Variants in GALNT18 observed in about 807,000 individuals in gnomAD.
GALNT18 encodes the protein polypeptide N-acetylgalactosaminyltransferase 18.
A neutral mutation model predicts 69.5 loss-of-function variants in GALNT18; 44 were observed. The ratio of observed to expected loss-of-function variants is 0.63; its 90% confidence interval spans 0.50 to 0.81. The LOEUF (loss-of-function observed/expected upper bound fraction) is 0.81. GALNT18 is among the 40% of genes least tolerant of loss of function. GALNT18 has a pLI of 0.00. For synonymous variants in GALNT18, 364 were observed against 318.2 expected, an observed-to-expected ratio of 1.14 and a Z score of -1.53; for missense variants, 715 against 810.0, an observed-to-expected ratio of 0.88 and a Z score of 1.42.
intron 3 of GALNT18, among the ~76,000 whole-genome samples, chr11:11,385,585 A>T (rs187243209): frequency 6.6e-6 from 1 of 152,024 alleles, no homozygotes; most frequent in South Asian, 2.1e-4. Flanking sequence ...GTGAGCCACC[A>T]TGCCCGGCCT....
chr11:11,575,306 G>A (rs768327162), intron 1 of GALNT18, among the ~76,000 whole-genome samples: 2 of 152,182 alleles, frequency 1.3e-5, no homozygotes, highest in African/African-American at 4.8e-5. Context: ...CCACATCTTT[G>A]ATCAAGCTAT....
intron 9 of GALNT18, among the ~76,000 whole-genome samples, chr11:11,316,109 C>T (rs891094984): frequency 2.0e-5 from 3 of 152,112 alleles, no homozygotes; most frequent in East Asian, 1.9e-4. Flanking sequence ...CAGGAGTGTA[C>T]GAGGCTCCCC....
At chr11:11,490,657 C>T (rs983793188) in intron 1 of GALNT18, among the ~76,000 whole-genome samples, 3 of 152,138 alleles carry the variant, frequency 2.0e-5, no homozygotes, top group Admixed American at 6.5e-5. Context: ...ACCAGAGTTA[C>T]AAGGAAATGC....
intron 1 of GALNT18, among the ~76,000 whole-genome samples, chr11:11,449,594 C>G (rs1253218838): frequency 6.6e-6 from 1 of 152,232 alleles, no homozygotes; most frequent in Non-Finnish European, 1.5e-5. Context: ...TCATGGGAGC[C>G]CTTGTGGACT....
intron 2 of GALNT18, among the ~76,000 whole-genome samples, chr11:11,447,101 C>T (rs748383929): frequency 6.6e-6 from 1 of 152,236 alleles, no homozygotes; most frequent in Non-Finnish European, 1.5e-5. Context: ...CCCCCTTACA[C>T]ACCCCATTCC....
rs1850929757 is a variant in GALNT18, at chr11:11,372,401, G to A, written c.1092+114C>T. 9.0e-6 allele frequency: 7 copies of A among 774,848 alleles called. No individual in the cohort carries two copies. The highest frequency in any genetic ancestry group is 8.2e-5 in the South Asian group (5 of 61,124). 48.0% of individuals were successfully genotyped at this position (774,848 alleles called of 1,614,324 possible). ...CCAATCACACACAGGATTCAGGACT[G>A]GACATTCAGAATCAGTCTGTGACCC... is the stretch of plus-strand genomic sequence containing the variant. On this transcript the variant is annotated intron_variant, in intron 6 of 10. Transcript: ENST00000227756. This position sits in a 1 kb window ranked among gnomAD's most constrained non-coding sequence, Gnocchi z 4.9.
At chr11:11,521,464 A>C (rs1829194945) in intron 1 of GALNT18, among the ~76,000 whole-genome samples, 1 of 151,548 alleles carries the variant, frequency 6.6e-6, no homozygotes, top group Non-Finnish European at 1.5e-5. Context: ...CTTCATAGTG[A>C]CTTGCTCTCC....
At chr11:11,392,422 C>T (rs1452041042) in intron 3 of GALNT18, among the ~76,000 whole-genome samples, 1 of 152,184 alleles carries the variant, frequency 6.6e-6, no homozygotes, top group African/African-American at 2.4e-5. Context: ...GAGTTCAAGA[C>T]CAGCCTAACC....
intron 7 of GALNT18, among the ~76,000 whole-genome samples, chr11:11,336,711 C>A (rs185104944): frequency 5.9e-5 from 9 of 152,296 alleles, no homozygotes; most frequent in Non-Finnish European, 1.2e-4. Context: ...ATATAGCATC[C>A]ATGCATCCTC....
chr11:11,287,847 A>G (rs1349134797), intron 10 of GALNT18, among the ~76,000 whole-genome samples: 2 of 152,048 alleles, frequency 1.3e-5, no homozygotes, highest in Non-Finnish European at 2.9e-5. Context: ...ATGTTCTCAA[A>G]CACAGGGCTG....
intron 1 of GALNT18, among the ~76,000 whole-genome samples, chr11:11,526,152 G>A (rs1564994472): frequency 6.6e-6 from 1 of 152,186 alleles, no homozygotes; most frequent in Non-Finnish European, 1.5e-5. Context: ...GGCAGTCAGG[G>A]ATGTATAAAG....
At chr11:11,437,531 C>T (rs1359926534) in intron 2 of GALNT18, among the ~76,000 whole-genome samples, 1 of 152,094 alleles carries the variant, frequency 6.6e-6, no homozygotes, top group African/African-American at 2.4e-5. Flanking sequence ...ACAACAAGGG[C>T]TTCAGTGCTG....
At chr11:11,510,682 T>C (rs1003726983) in intron 1 of GALNT18, among the ~76,000 whole-genome samples, 1 of 152,250 alleles carries the variant, frequency 6.6e-6, no homozygotes, top group African/African-American at 2.4e-5. Flanking sequence ...GTTATCCAGC[T>C]ACTGTGCCAC....
intron 3 of GALNT18, among the ~76,000 whole-genome samples, chr11:11,384,491 G>C (rs1854002748): frequency 6.6e-6 from 1 of 152,126 alleles, no homozygotes; most frequent in South Asian, 2.1e-4. Context: ...TTAATCTCAT[G>C]AACAAGGAAG....
At chr11:11,528,111 C>T (rs1417831488) in intron 1 of GALNT18, among the ~76,000 whole-genome samples, 3 of 152,104 alleles carry the variant, frequency 2.0e-5, no homozygotes, top group South Asian at 2.1e-4. Context: ...GAGTAGGTGA[C>T]ATATGAATAG....
Position 11,586,160 on chromosome 11 carries a change from T to G in GALNT18, c.235+35199A>C, listed in dbSNP as rs935386447. On this transcript the variant is annotated intron_variant, in intron 1 of 10. Coordinates refer to ENST00000227756, the MANE Select transcript of GALNT18 (RefSeq NM_198516.3). This position sits in a 1 kb window ranked among gnomAD's most constrained non-coding sequence, Gnocchi z 4.1. ...ATAAATTTCTATTGTTTATAAGCCA[T>G]GCCATCTAGGGTATTTTATTATAGC... Among the ~76,000 whole-genome samples the G allele has an allele frequency of 6.6e-6, 1 of 152,184 alleles. No homozygotes were observed. The highest frequency in any genetic ancestry group is 6.5e-5 in the Admixed American group (1 of 15,286).
Position 11,461,418 on chromosome 11 carries a change from C to G in GALNT18, c.236-12482G>C, listed in dbSNP as rs116895225. Among the ~76,000 whole-genome samples the G allele has an allele frequency of 8.7e-4, 133 of 152,308 alleles. 2 individuals are homozygous for G. In the East Asian group the frequency reaches 0.022, roughly 25 times the overall value. On this transcript the variant is annotated intron_variant, in intron 1 of 10. Transcript: ENST00000227756. This position sits in a 1 kb window ranked among gnomAD's most constrained non-coding sequence, Gnocchi z 4.1. Reference sequence around the variant, plus strand: ...ACTATATAAAGTACATGTGAAAAAACTCATTTTAGAGAGTGACAAATGTCT... The same window carrying G: ...ACTATATAAAGTACATGTGAAAAAAGTCATTTTAGAGAGTGACAAATGTCT...
intron 3 of GALNT18, among the ~76,000 whole-genome samples, chr11:11,395,497 C>T (rs1047355759): frequency 5.3e-5 from 8 of 152,180 alleles, no homozygotes; most frequent in South Asian, 4.1e-4. Flanking sequence ...GATGGGGAAA[C>T]TGAGACCCAG....
chr11:11,344,727 T>A (rs7940948), intron 6 of GALNT18, among the ~76,000 whole-genome samples: 15,209 of 152,212 alleles, frequency 0.1, 2,579 homozygotes, highest in African/African-American at 0.35. Flanking sequence ...TGGGTAAGTG[T>A]TTAACACTGA....
Sources: gnomAD v4.1 joint callset for allele counts (sites outside exome capture counted in the v4.1 genomes callset) on GRCh38, gnomAD v4.1.1 for gene constraint, Gnocchi (gnomAD v3.1) non-coding constraint, MANE v1.5 for transcripts, NCBI Gene and HGNC (gene_info 2026-07-23, HGNC 2026-07-21) for gene names.